Variants in CCDC6 observed in about 807,000 individuals in gnomAD.
CCDC6 encodes coiled-coil domain containing 6.
Under a neutral mutation model 56.6 loss-of-function variants are expected in CCDC6, and 20 were observed. That is an observed-to-expected ratio of 0.35 (90% CI 0.25 to 0.51). The LOEUF (loss-of-function observed/expected upper bound fraction) is 0.51. CCDC6 is among the 20% of genes least tolerant of loss of function. The pLI is 0.95. For synonymous variants in CCDC6, 241 were observed against 234.4 expected (o/e 1.03, Z -0.26); for missense variants, 367 against 601.1 (o/e 0.61, Z 4.07).
rs1043180127 is a variant in CCDC6, at chr10:59,803,043, G to A, written c.1105+1377C>T. ...CAAAAAAGACCTTTATCATGGTAAT[G>A]AAACCCAAGTGCTATTTTGGGAAAA... On this transcript the variant is annotated intron_variant, in intron 7 of 8. Transcript: ENST00000263102. Among the ~76,000 whole-genome samples, 4 of 152,292 alleles carry A rather than the reference G, an allele frequency of 2.6e-5. 1 individual carries two copies. Among genetic ancestry groups the A allele is most frequent in the Admixed American group, 2.6e-4 (4 of 15,296 alleles).
chr10:59,861,341 G>A (rs145232011), intron 1 of CCDC6, among the ~76,000 whole-genome samples: 3 of 150,648 alleles, frequency 2.0e-5, no homozygotes, highest in South Asian at 4.2e-4. Flanking sequence ...CCTGGGCAAC[G>A]GAGTAAGACT....
chr10:59,886,936 C>T (rs898234170), intron 1 of CCDC6, among the ~76,000 whole-genome samples: 3 of 152,228 alleles, frequency 2.0e-5, no homozygotes, highest in Non-Finnish European at 4.4e-5. Context: ...TAATATGTCA[C>T]TGTCCATTTA....
chr10:59,869,498 T>G (rs1443501314), intron 1 of CCDC6, among the ~76,000 whole-genome samples: 1 of 151,478 alleles, frequency 6.6e-6, no homozygotes, highest in Admixed American at 6.6e-5. Flanking sequence ...TGGTTTTCTT[T>G]CCCTCACTAC....
Position 59,852,709 on chromosome 10 carries a change from A to T in CCDC6, c.304-7T>A, listed in dbSNP as rs74643462. ...CCTGCTCAGCCCTGGCTTGCTGTTT[A>T]AAAAAAAAAAAGGAAAGAACAAAAC... On this transcript the variant is annotated splice_region_variant and splice_polypyrimidine_tract_variant and intron_variant, in intron 1 of 8. Coordinates refer to ENST00000263102, the MANE Select transcript of CCDC6 (RefSeq NM_005436.5). The T allele has an allele frequency of 4.5e-5, 16 of 356,424 alleles. No individual in the cohort carries two copies. Among genetic ancestry groups the T allele is most frequent in the Non-Finnish European group, 4.8e-5 (13 of 270,734 alleles). 22.1% of individuals were successfully genotyped at this position (356,424 alleles called of 1,614,324 possible).
intron 5 of CCDC6, among the ~76,000 whole-genome samples, chr10:59,810,701 ATG>A: frequency 6.6e-6 from 1 of 152,260 alleles, no homozygotes; most frequent in East Asian, 1.9e-4. Flanking sequence ...TTTTTTTAAT[ATG>A]CTCCTTTTTT....
At chr10:59,807,883 C>T (rs561937416) in intron 5 of CCDC6, among the ~76,000 whole-genome samples, 4 of 152,230 alleles carry the variant, frequency 2.6e-5, no homozygotes, top group South Asian at 2.1e-4. Context: ...ACAGTGGTGG[C>T]GGCACACCAA....
At chr10:59,812,873 T>C in intron 4 of CCDC6, 78 bp from the exon 5 acceptor site, 1 of 1,120,602 alleles carries the variant, frequency 8.9e-7, no homozygotes, top group Non-Finnish European at 1.3e-6. Context: ...GCTGGCAGGT[T>C]TGTTTTAAAA....
intron 1 of CCDC6, among the ~76,000 whole-genome samples, chr10:59,880,594 A>C (rs1460305896): frequency 6.6e-6 from 1 of 152,168 alleles, no homozygotes; most frequent in Non-Finnish European, 1.5e-5. Flanking sequence ...ATGTGCCTTC[A>C]ATCTGTGAAA....
chr10:59,832,485 C>A (rs558689469), intron 3 of CCDC6, 40 bp downstream of exon 3: 30 of 1,574,912 alleles, frequency 1.9e-5, no homozygotes, highest in Admixed American at 9.6e-5. Context: ...AAGCTGAGAA[C>A]GAGAAAATAC....
chr10:59,894,038 T>C (rs762134518), intron 1 of CCDC6, among the ~76,000 whole-genome samples: 1 of 152,160 alleles, frequency 6.6e-6, no homozygotes, highest in Non-Finnish European at 1.5e-5. Context: ...TTGAGAACCA[T>C]ACCCAGAAAC....
chr10:59,880,488 T>G (rs987243292), intron 1 of CCDC6, among the ~76,000 whole-genome samples: 1 of 152,160 alleles, frequency 6.6e-6, no homozygotes, highest in Non-Finnish European at 1.5e-5. Flanking sequence ...AAACTCCACA[T>G]AGTGGCTACC....
intron 1 of CCDC6, among the ~76,000 whole-genome samples, chr10:59,862,671 T>A (rs1299811011): frequency 6.6e-6 from 1 of 151,536 alleles, no homozygotes; most frequent in Non-Finnish European, 1.5e-5. Flanking sequence ...AAGTTCATAA[T>A]CACCCTCAGA....
intron 1 of CCDC6, among the ~76,000 whole-genome samples, chr10:59,864,962 C>G (rs2071164574): frequency 6.6e-6 from 1 of 152,214 alleles, no homozygotes. Flanking sequence ...GTTTGTGATT[C>G]ACATCAACGA....
At chr10:59,856,345 TAAAA>T (rs59039796) in intron 1 of CCDC6, among the ~76,000 whole-genome samples, 7 of 137,662 alleles carry the variant, frequency 5.1e-5, no homozygotes, top group African/African-American at 5.3e-5. Flanking sequence ...CAGCCTTAGG[TAAAA>T]AAAAAAAAAA....
At chr10:59,829,024 A>G (rs1194088127) in intron 3 of CCDC6, among the ~76,000 whole-genome samples, 4 of 152,240 alleles carry the variant, frequency 2.6e-5, no homozygotes, top group African/African-American at 4.8e-5. Context: ...TGTTTGAAGA[A>G]TAAGTGGATT....
intron 3 of CCDC6, among the ~76,000 whole-genome samples, chr10:59,819,961 G>A (rs2070737833): frequency 6.6e-6 from 1 of 152,210 alleles, no homozygotes; most frequent in South Asian, 2.1e-4. Flanking sequence ...CTCCTCTTGA[G>A]TAGCTCTACT....
chr10:59,899,710 T>C (rs769238378), intron 1 of CCDC6, among the ~76,000 whole-genome samples: 28 of 152,124 alleles, frequency 1.8e-4, no homozygotes, highest in Non-Finnish European at 3.8e-4. Flanking sequence ...AGGCAGCAAA[T>C]CTGAACACTT....
intron 1 of CCDC6, among the ~76,000 whole-genome samples, chr10:59,899,114 T>C (rs1170623646): frequency 6.6e-6 from 1 of 152,164 alleles, no homozygotes; most frequent in Non-Finnish European, 1.5e-5. Flanking sequence ...CTTGGAGAAG[T>C]AGGAAGAATC....
At chr10:59,879,335 A>G (rs1178239688) in intron 1 of CCDC6, among the ~76,000 whole-genome samples, 1 of 152,236 alleles carries the variant, frequency 6.6e-6, no homozygotes, top group East Asian at 1.9e-4. Flanking sequence ...CCCATATTAT[A>G]AACTATAGAT....
Sources: allele counts gnomAD v4.1 joint callset (sites outside exome capture counted in the v4.1 genomes callset), GRCh38; gene constraint gnomAD v4.1.1; transcripts MANE v1.5; gene names NCBI Gene and HGNC (gene_info 2026-07-23, HGNC 2026-07-21).